SYNE1: variants seen among roughly 807,000 people sequenced by gnomAD.
The protein encoded by SYNE1 is nesprin-1.
In SYNE1, 616 loss-of-function variants were observed where a neutral mutation model predicts 1,111.0. That is an observed-to-expected ratio of 0.55 (90% CI 0.52 to 0.59). The LOEUF is 0.59. Ranked by LOEUF, SYNE1 falls within the 20% of genes least tolerant of loss-of-function variation. The pLI, the probability that SYNE1 is intolerant of heterozygous loss-of-function variation, is 0.00. For missense variants in SYNE1, 10,006 were observed against 10,417.0 expected (o/e 0.96, Z 1.72); for synonymous variants, 3,855 against 3,825.8 (o/e 1.01, Z -0.28).
At chr6:152,588,446 G>A (rs1565022865) in intron 3 of SYNE1, among the ~76,000 whole-genome samples, 1 of 152,196 alleles carries the variant, frequency 6.6e-6, no homozygotes. Flanking sequence ...TCTTTGGTCT[G>A]GATTTTTTCT....
rs1435445767 is a variant in SYNE1, at chr6:152,401,235, T to C, written c.6932A>G (p.Lys2311Arg). The change falls in exon 47 of 146, where the codon AAG becomes AGG. Residue 2311 changes from lysine to arginine, a missense_variant. By Grantham distance (26) the Lys-to-Arg change is conservative. Coordinates refer to ENST00000367255, the MANE Select transcript of SYNE1 (RefSeq NM_182961.4). ...CCATGTTGTTATGTCATTAATAAAC[T>C]TCTCCACTTGTGTACTTTGAGCCGT... ...DFTAQSTQVE[K>R]FINDITTWFT... The C allele has an allele frequency of 6.2e-7, 1 of 1,614,084 alleles. No individual in the cohort carries two copies. Among genetic ancestry groups the C allele is most frequent in the African/African-American group, 1.3e-5 (1 of 74,956 alleles).
chr6:152,625,159 TG>T (rs2099683311), intron 3 of SYNE1, among the ~76,000 whole-genome samples: 1 of 152,244 alleles, frequency 6.6e-6, no homozygotes, highest in Non-Finnish European at 1.5e-5. Context: ...CTTAATTATC[TG>T]GGCAATAATA....
At chr6:152,147,297 A>T (rs2813491) in intron 137 of SYNE1, 56,541 of 151,750 alleles carry the variant, frequency 0.37, 10,967 homozygotes, top group Admixed American at 0.47. Flanking sequence ...TTTCATTTGG[A>T]CTCTCTCCGC....
chr6:152,520,216 T>C (rs979741188), intron 6 of SYNE1, among the ~76,000 whole-genome samples: 4 of 152,226 alleles, frequency 2.6e-5, no homozygotes, highest in African/African-American at 7.2e-5. Flanking sequence ...CTTACTTTGA[T>C]AATTGTATTA....
At chr6:152,313,752 C>T (rs548057193) in intron 87 of SYNE1, among the ~76,000 whole-genome samples, 79 of 152,272 alleles carry the variant, frequency 5.2e-4, no homozygotes, top group African/African-American at 1.7e-3. Context: ...TCTCACAGTG[C>T]ACTCTTTTTA....
chr6:152,492,393 C>T (rs926159469), intron 11 of SYNE1, among the ~76,000 whole-genome samples: 39 of 152,224 alleles, frequency 2.6e-4, no homozygotes, highest in African/African-American at 9.2e-4. Context: ...GAGAGAAACC[C>T]CAGCCACATC....
intron 63 of SYNE1, among the ~76,000 whole-genome samples, chr6:152,363,464 A>ACG (rs1311776223): frequency 1.3e-5 from 2 of 150,938 alleles, no homozygotes; most frequent in Non-Finnish European, 3.0e-5. Context: ...ACTGCACTGG[A>ACG]GCCTGGGCGA....
rs748728898 is a variant in SYNE1 at position 152,232,196 on chromosome 6, T to A, written c.20782A>T (p.Asn6928Tyr). 9 of 1,613,380 alleles carry A rather than the reference T, an allele frequency of 5.6e-6. No individual in the cohort carries two copies. The highest frequency in any genetic ancestry group is 5.3e-5 in the African/African-American group (4 of 74,908). ...TTATCTTCATCCTTCTGAATAACAT[T>A]TTCCATTAGAGAAATCCAACTCATG... ...EVMSWISLME[N>Y]VIQKDEDNIK... The change falls in exon 113 of 146, where the codon AAT (asparagine) becomes TAT (tyrosine). Residue 6928 changes from asparagine to tyrosine, a missense_variant. Coordinates refer to ENST00000367255, the MANE Select transcript of SYNE1 (RefSeq NM_182961.4).
At chr6:152,390,892 C>G (rs146413706) in intron 52 of SYNE1, among the ~76,000 whole-genome samples, 1 of 152,182 alleles carries the variant, frequency 6.6e-6, no homozygotes, top group Non-Finnish European at 1.5e-5. Context: ...TTAATCATGG[C>G]CCCTACACAC....
At chr6:152,399,963 G>T in intron 47 of SYNE1, 140 bp from the exon 48 acceptor site, 1 of 976,328 alleles carries the variant, frequency 1.0e-6, no homozygotes, top group African/African-American at 1.6e-5. Context: ...GTGCGTTTTT[G>T]AGTACTTGTA....
chr6:152,317,277 A>G lies in SYNE1; in HGVS notation c.16573-291T>C, dbSNP rs6901934. Among the ~76,000 whole-genome samples, 115,573 of 149,310 alleles carry G rather than the reference A, an allele frequency of 0.77. 45,481 individuals are homozygous for G. The highest frequency in any genetic ancestry group is 0.95 in the East Asian group (4,844 of 5,080). On this transcript the variant is annotated intron_variant, in intron 86 of 145. Transcript: ENST00000367255. ...AGGTCTTACTGTCACCCCGGCTGGA[A>G]TGCAGCAGCTGGATCATGGTTAATT...
chr6:152,363,914 G>A (rs715674), intron 63 of SYNE1: 202 of 351,194 alleles, frequency 5.8e-4, no homozygotes, highest in African/African-American at 4.1e-3. Flanking sequence ...TTAAGTTGCA[G>A]TTGCTCACAA....
chr6:152,229,791 T>C (rs2082350021), intron 115 of SYNE1, among the ~76,000 whole-genome samples: 1 of 152,192 alleles, frequency 6.6e-6, no homozygotes, highest in African/African-American at 2.4e-5. Context: ...ATATGCATAT[T>C]GTTTGCATCC....
chr6:152,263,603 TTCC>T (rs1389804177), intron 100 of SYNE1, among the ~76,000 whole-genome samples: 1 of 151,700 alleles, frequency 6.6e-6, no homozygotes, highest in Non-Finnish European at 1.5e-5. Context: ...CTCACTATGT[TTCC>T]CAGGCTGGTC....
At chr6:152,246,590 T>A (rs2087231996) in intron 105 of SYNE1, among the ~76,000 whole-genome samples, 1 of 152,024 alleles carries the variant, frequency 6.6e-6, no homozygotes, top group African/African-American at 2.4e-5. Context: ...TGAACCCGAG[T>A]ATCTGACAAA....
At chr6:152,386,983 C>T in intron 54 of SYNE1, 89 bp downstream of exon 54, 2 of 1,193,608 alleles carry the variant, frequency 1.7e-6, no homozygotes, top group Non-Finnish European at 2.3e-6. Context: ...CTTTACCTGA[C>T]CTTGGCAACA....
chr6:152,233,651 C>T (rs939855680), intron 112 of SYNE1, 130 bp downstream of exon 112: 48 of 1,140,614 alleles, frequency 4.2e-5, no homozygotes, highest in African/African-American at 1.1e-4. Context: ...ATTAATACAA[C>T]GGGAGAGAGA....
At position 152,515,948 on chromosome 6, in the gene SYNE1, T is replaced by C. The variant is rs547849348; in HGVS notation, c.309+4511A>G. Among the ~76,000 whole-genome samples the C allele has an allele frequency of 8.5e-5, 13 of 152,244 alleles. No individual in the cohort carries two copies. The South Asian group carries it at 2.1e-3, about 24-fold the overall frequency. On this transcript the variant is annotated intron_variant, in intron 6 of 145. Transcript: ENST00000367255. ...AATGAGGAATACCTTCATTATTCCC[T>C]AAGTCAAACTAAATAAGAATAAAAG...
intron 8 of SYNE1, 128 bp from the exon 9 acceptor site, chr6:152,505,525 T>C: frequency 9.4e-7 from 1 of 1,066,048 alleles, no homozygotes. Context: ...TTCATTGTAT[T>C]TGAGAAAAAT....
Sources: gnomAD v4.1 joint callset for allele counts (sites outside exome capture counted in the v4.1 genomes callset) on GRCh38, gnomAD v4.1.1 for gene constraint, MANE v1.5 for transcripts, NCBI Gene and HGNC (gene_info 2026-07-23, HGNC 2026-07-21) for gene names.